GSTCD: variants seen among roughly 807,000 people sequenced by gnomAD.
The protein encoded by GSTCD is glutathione S-transferase C-terminal domain containing.
In GSTCD, 44 loss-of-function variants were observed where a neutral mutation model predicts 68.3. The ratio of observed to expected loss-of-function variants is 0.64; its 90% confidence interval spans 0.51 to 0.83. GSTCD has a LOEUF of 0.83. Among genes scored for constraint, GSTCD ranks in the 40% least tolerant of loss-of-function variants. The probability of loss-of-function intolerance (pLI) is 0.00; values close to 1 mark genes in which losing one functional copy is unlikely to be tolerated. For missense variants in GSTCD, 739 were observed against 735.9 expected (o/e 1.00, Z -0.05); for synonymous variants, 273 against 255.2 (o/e 1.07, Z -0.67).
chr4:105,846,668 C>CTTTTTTT lies in GSTCD; in HGVS notation c.*1105_*1111dup, dbSNP rs71586114. Reference sequence around the variant, plus strand: ...GAAAAAGATTAAAGAATTAGTTAAGCTTTTTTTTTTTTTTTTTTTTGAGAC... The same window carrying CTTTTTTT: ...GAAAAAGATTAAAGAATTAGTTAAGCTTTTTTTTTTTTTTTTTTTTTTTTTTTGAGAC... On this transcript the variant is annotated 3_prime_UTR_variant, in exon 12 of 12. Coordinates refer to ENST00000515279, the MANE Select transcript of GSTCD (RefSeq NM_001370181.1). The CTTTTTTT allele has an allele frequency of 8.5e-6, 1 of 117,972 alleles. No individual in the cohort carries two copies. The highest frequency in any genetic ancestry group is 3.2e-5 in the African/African-American group (1 of 31,654). 7.3% of individuals were successfully genotyped at this position (117,972 alleles called of 1,614,324 possible).
chr4:105,746,721 G>T (rs987024598), intron 5 of GSTCD, among the ~76,000 whole-genome samples: 27 of 152,128 alleles, frequency 1.8e-4, no homozygotes, highest in Non-Finnish European at 3.5e-4. Context: ...AGTTTTAAAT[G>T]TAAAGGCTTA....
intron 5 of GSTCD, among the ~76,000 whole-genome samples, chr4:105,747,958 T>TA (rs1259171688): frequency 6.6e-6 from 1 of 152,026 alleles, no homozygotes; most frequent in Non-Finnish European, 1.5e-5. Flanking sequence ...TTTTGGCATT[T>TA]AAAATACTAA....
intron 5 of GSTCD, among the ~76,000 whole-genome samples, chr4:105,809,576 G>T: frequency 6.6e-6 from 1 of 151,478 alleles, no homozygotes; most frequent in Non-Finnish European, 1.5e-5. Context: ...ATATTTATTT[G>T]TTTTGTGTGT....
chr4:105,730,814 G>A (rs1289498920), intron 5 of GSTCD, among the ~76,000 whole-genome samples: 2 of 152,164 alleles, frequency 1.3e-5, no homozygotes, highest in African/African-American at 4.8e-5. Flanking sequence ...TGAAGTCCTT[G>A]CCCATGCCTA....
Position 105,845,518 on chromosome 4 carries a change from T to C in GSTCD, c.1843T>C (p.Ser615Pro). Residue 615 changes from serine to proline, a missense_variant, in exon 12 of 12, where the codon TCC (serine) becomes CCC (proline). Ser to Pro is a moderately conservative substitution (Grantham distance 74). Transcript: ENST00000515279. The stretch of plus-strand genomic sequence containing the variant: ...ATGTGGATACTCCGTTCAAGTGATA[T>C]CCATGGAGCCAGAGAGCTGCTCTCC... The part of the protein sequence containing the change: ...EECGYSVQVI[S>P]MEPESCSPKN... 2.5e-6 allele frequency: 4 copies of C among 1,614,114 alleles called. No homozygotes were observed. Among genetic ancestry groups the C allele is most frequent in the Admixed American group, 1.7e-5 (1 of 60,006 alleles).
At chr4:105,733,100 A>T (rs1733313886) in intron 5 of GSTCD, among the ~76,000 whole-genome samples, 1 of 152,198 alleles carries the variant, frequency 6.6e-6, no homozygotes, top group Non-Finnish European at 1.5e-5. Context: ...GGAGTGCTTT[A>T]CTTCCAACTA....
At chr4:105,794,626 G>T in intron 5 of GSTCD, among the ~76,000 whole-genome samples, 1 of 146,828 alleles carries the variant, frequency 6.8e-6, no homozygotes, top group East Asian at 2.0e-4. Context: ...TATTTTTGGT[G>T]TTTTTTTTTT....
At chr4:105,749,494 CAG>C (rs1472868367) in intron 5 of GSTCD, among the ~76,000 whole-genome samples, 2 of 149,808 alleles carry the variant, frequency 1.3e-5, no homozygotes, top group African/African-American at 4.9e-5. Context: ...AACAATAAAA[CAG>C]AATAATAAAA....
chr4:105,717,742 T>C lies in GSTCD; in HGVS notation c.129T>C (p.Cys43=). 6.2e-7 allele frequency: 1 copy of C among 1,613,908 alleles called. No homozygotes were observed. The highest frequency in any genetic ancestry group is 8.5e-7 in the Non-Finnish European group (1 of 1,179,808). ...TATTTCTGTTATCTTACTGTGACTGTAAAATCTTTAAAATTTGCTTAGTTG... is the reference window on the plus strand; with the variant it reads ...TATTTCTGTTATCTTACTGTGACTGCAAAATCTTTAAAATTTGCTTAGTTG... The part of the protein sequence containing the change: ...VTLFLLSYCD[C]KIFKICLVVT... Residue 43 remains cysteine (C), a synonymous_variant, in exon 2 of 12, where the codon TGT becomes TGC. Coordinates refer to ENST00000515279, the MANE Select transcript of GSTCD (RefSeq NM_001370181.1).
At chr4:105,772,364 G>C (rs918025201) in intron 5 of GSTCD, among the ~76,000 whole-genome samples, 2 of 152,022 alleles carry the variant, frequency 1.3e-5, no homozygotes, top group Non-Finnish European at 2.9e-5. Context: ...TCTTTCTCTT[G>C]CCTGATTGCC....
chr4:105,735,958 G>T (rs963347822), intron 5 of GSTCD, among the ~76,000 whole-genome samples: 6 of 151,972 alleles, frequency 3.9e-5, no homozygotes, highest in African/African-American at 4.8e-5. Flanking sequence ...AAACTTTAAT[G>T]ATCTTCTAAT....
chr4:105,725,971 AT>A (rs1384824431), intron 3 of GSTCD, among the ~76,000 whole-genome samples: 1 of 152,184 alleles, frequency 6.6e-6, no homozygotes, highest in Non-Finnish European at 1.5e-5. Flanking sequence ...CATGGAGAAG[AT>A]TTTAATTTCT....
At chr4:105,734,434 A>G (rs1733381833) in intron 5 of GSTCD, among the ~76,000 whole-genome samples, 1 of 151,950 alleles carries the variant, frequency 6.6e-6, no homozygotes, top group Non-Finnish European at 1.5e-5. Context: ...CATTTCATTC[A>G]TTTGATCTTC....
intron 5 of GSTCD, among the ~76,000 whole-genome samples, chr4:105,752,962 T>C (rs566941645): frequency 6.6e-6 from 1 of 152,202 alleles, no homozygotes; most frequent in East Asian, 1.9e-4. Context: ...TTAGCAAGAC[T>C]TCCTGGTGAA....
chr4:105,751,218 G>A lies in GSTCD; in HGVS notation c.1240+21719G>A, dbSNP rs1214512982. 2.6e-5 allele frequency among the ~76,000 whole-genome samples: 4 copies of A among 152,070 alleles called. No homozygotes were observed. The East Asian group carries it at 5.8e-4, about 22-fold the overall frequency. On this transcript the variant is annotated intron_variant, in intron 5 of 11. Coordinates refer to ENST00000515279, the MANE Select transcript of GSTCD (RefSeq NM_001370181.1). The stretch of plus-strand genomic sequence containing the variant: ...GAAGCTGGGTGAGGGGTTCATGGGA[G>A]TCTCATACTATTATTGCAACTTCCT...
intron 5 of GSTCD, among the ~76,000 whole-genome samples, chr4:105,806,363 A>G (rs1246971686): frequency 2.0e-5 from 3 of 152,104 alleles, no homozygotes; most frequent in Non-Finnish European, 4.4e-5. Context: ...TTTTCAGTAC[A>G]GGAGATAAGG....
At chr4:105,717,147 G>A (rs1422972914) in intron 1 of GSTCD, among the ~76,000 whole-genome samples, 1 of 152,130 alleles carries the variant, frequency 6.6e-6, no homozygotes, top group Non-Finnish European at 1.5e-5. Context: ...CTGAAAGAAC[G>A]AATATCCCCT....
chr4:105,793,258 C>T (rs1360376762), intron 5 of GSTCD, among the ~76,000 whole-genome samples: 1 of 151,994 alleles, frequency 6.6e-6, no homozygotes, highest in Non-Finnish European at 1.5e-5. Context: ...TATATACTGA[C>T]ACCAGACTTC....
chr4:105,804,547 T>C (rs149091661), intron 5 of GSTCD, among the ~76,000 whole-genome samples: 1,884 of 152,208 alleles, frequency 0.012, 46 homozygotes, highest in African/African-American at 0.043. Flanking sequence ...GTTGTAGAAA[T>C]TCATGGAGGA....
Sources: gnomAD v4.1 joint callset for allele counts (sites outside exome capture counted in the v4.1 genomes callset) on GRCh38, gnomAD v4.1.1 for gene constraint, MANE v1.5 for transcripts, NCBI Gene and HGNC (gene_info 2026-07-23, HGNC 2026-07-21) for gene names.